ADGRG4: variants seen among roughly 807,000 people sequenced by gnomAD.
ADGRG4 encodes the protein adhesion G protein-coupled receptor G4, also known as G protein-coupled receptor 112.
ADGRG4 carries 122 observed loss-of-function variants against 126.2 expected under a neutral mutation model. The ratio of observed to expected loss-of-function variants is 0.97; its 90% confidence interval spans 0.83 to 1.12. The LOEUF (loss-of-function observed/expected upper bound fraction) is 1.12. ADGRG4 is among the 50% of genes most tolerant of loss of function. ADGRG4 has a pLI of 0.00. For missense variants in ADGRG4, 2,481 were observed against 2,251.8 expected (o/e 1.10, Z -2.06); for synonymous variants, 943 against 838.7 (o/e 1.12, Z -2.15).
At position 136,348,034 on chromosome X, in the gene ADGRG4, G is replaced by A. The variant is rs1277415472; in HGVS notation, c.4328G>A (p.Arg1443Lys). ...NTTFSHLHSL[R>K]TQPEVTSVAS... is the part of the protein sequence containing the mutation. Reference sequence around the variant, plus strand: ...ACTTTTTCACACTTGCATTCACTTAGGACACAACCTGAGGTGACTTCAGTT... The same window carrying A: ...ACTTTTTCACACTTGCATTCACTTAAGACACAACCTGAGGTGACTTCAGTT... The change falls in exon 6 of 26, where the codon AGG (arginine) becomes AAG (lysine). Residue 1443 changes from arginine (R) to lysine (K), a missense_variant. By Grantham distance (26) the Arg-to-Lys change is conservative (BLOSUM62 2). Coordinates refer to ENST00000394143, the MANE Select transcript of ADGRG4 (RefSeq NM_153834.4). The A allele has an allele frequency of 1.2e-5, 14 of 1,208,515 alleles. No individual in the cohort carries two copies. The highest frequency in any genetic ancestry group is 1.8e-5 in the South Asian group (1 of 56,748).
intron 18 of ADGRG4, among the ~76,000 whole-genome samples, chrX:136,394,512 A>G (rs2148493869): frequency 9.0e-6 from 1 of 111,643 alleles, no homozygotes; most frequent in Non-Finnish European, 1.9e-5. Flanking sequence ...CTTCTTTCTG[A>G]CAAACAAAAA....
chrX:136,416,331 A>C, intron 25 of ADGRG4, 123 bp from the exon 26 acceptor site: 42 of 461,020 alleles, frequency 9.1e-5, no homozygotes, highest in Non-Finnish European at 1.2e-4. Flanking sequence ...AAAGCACCAT[A>C]TCCTTCCCTT....
rs765303911 is a variant in ADGRG4, at chrX:136,349,837, C to T, written c.6131C>T (p.Thr2044Ile). The T allele has an allele frequency of 1.7e-6, 2 of 1,207,732 alleles. No individual in the cohort carries two copies. Among genetic ancestry groups the T allele is most frequent in the Admixed American group, 4.4e-5 (2 of 45,620 alleles). ...TVEVSKSTFL[T>I]SDMISAHPFT... ...GAGGTGTCAAAATCAACATTTCTGA[C>T]ATCTGACATGATATCAGCGCACCCA... The change falls in exon 6 of 26, where the codon ACA (threonine) becomes ATA (isoleucine). Residue 2044 changes from threonine to isoleucine, a missense_variant. By Grantham distance (89) the Thr-to-Ile change is moderately conservative (BLOSUM62 -1). Transcript: ENST00000394143.
At position 136,308,747 on chromosome X, in the gene ADGRG4, ATTTTTGACT is replaced by A. The variant is rs2074749698; in HGVS notation, c.-9-17_-9-9del. 2.3e-6 allele frequency: 2 copies of A among 888,478 alleles called. No individual in the cohort carries two copies. The highest frequency in any genetic ancestry group is 3.9e-5 in the African/African-American group (2 of 51,176). 73.2% of individuals were successfully genotyped at this position (888,478 alleles called of 1,213,427 possible). ...TTTTCTGAATATCTGAGCTGGGCAT[ATTTTTGACT>A]TTTTAAACACAGACTTAGACAATGA... On this transcript the variant is annotated splice_polypyrimidine_tract_variant and intron_variant, in intron 3 of 25. Transcript: ENST00000394143.
rs369224280 is a variant in ADGRG4 at position 136,350,094 on chromosome X, A to T, written c.6388A>T (p.Thr2130Ser). The change falls in exon 6 of 26, where the codon ACT becomes TCT. Residue 2130 changes from threonine to serine, a missense_variant. Coordinates refer to ENST00000394143, the MANE Select transcript of ADGRG4 (RefSeq NM_153834.4). ...TCATCCTTCATCCTTCAGCAGAAAG[A>T]CTATGTCACCTTCTACAACTGACCA... is the stretch of plus-strand genomic sequence containing the variant. ...VSHPSSFSRK[T>S]MSPSTTDHTL... 2 of 1,209,806 alleles carry T rather than the reference A, an allele frequency of 1.7e-6. No individual in the cohort carries two copies. Among genetic ancestry groups the T allele is most frequent in the East Asian group, 5.9e-5 (2 of 33,815 alleles).
intron 4 of ADGRG4, among the ~76,000 whole-genome samples, chrX:136,310,169 A>G: frequency 9.1e-6 from 1 of 110,193 alleles, no homozygotes; most frequent in Non-Finnish European, 1.9e-5. Flanking sequence ...TTATTTTGAG[A>G]CAGAGTCTCA....
chrX:136,358,274 C>T (rs934752147), intron 10 of ADGRG4, among the ~76,000 whole-genome samples: 5 of 110,510 alleles, frequency 4.5e-5, no homozygotes, highest in Admixed American at 1.9e-4. Flanking sequence ...GACTCCTCTT[C>T]GGACTGGAAA....
At chrX:136,317,553 G>A (rs1199110387) in intron 4 of ADGRG4, among the ~76,000 whole-genome samples, 1 of 98,691 alleles carries the variant, frequency 1.0e-5, no homozygotes, top group Non-Finnish European at 2.1e-5. Flanking sequence ...GACACCAAAA[G>A]CATGAGCAAT....
rs2075464515 is a variant in ADGRG4, at chrX:136,414,241, C to T, written c.9119C>T (p.Pro3040Leu). The T allele has an allele frequency of 8.3e-7, 1 of 1,202,050 alleles. No homozygotes were observed. ...ATCTTTGAGCACAAACTGTTGACGC[C>T]ATCTCTCAAGTCAACTGCAACTAGC... ...KKIFEHKLLT[P>L]SLKSTATSST... Residue 3040 changes from proline to leucine, a missense_variant, in exon 25 of 26, where the codon CCA becomes CTA. Coordinates refer to ENST00000394143, the MANE Select transcript of ADGRG4 (RefSeq NM_153834.4).
At chrX:136,385,859 G>A (rs1321837599) in intron 15 of ADGRG4, among the ~76,000 whole-genome samples, 1 of 111,561 alleles carries the variant, frequency 9.0e-6, no homozygotes, top group Non-Finnish European at 1.9e-5. Flanking sequence ...CTGTACATAT[G>A]TGGTCCAGAG....
At chrX:136,358,457 T>C (rs1002297133) in intron 10 of ADGRG4, among the ~76,000 whole-genome samples, 17 of 112,029 alleles carry the variant, frequency 1.5e-4, no homozygotes, top group African/African-American at 5.2e-4. Context: ...TTAGCAAATA[T>C]CTTCTTCAAA....
intron 5 of ADGRG4, among the ~76,000 whole-genome samples, chrX:136,340,311 AT>A (rs1233127522): frequency 9.0e-6 from 1 of 111,670 alleles, no homozygotes; most frequent in East Asian, 2.8e-4. Flanking sequence ...GGAATCTTTA[AT>A]TCCAATGGAT....
At position 136,400,132 on chromosome X, in the gene ADGRG4, A is replaced by AT. The variant is rs1197656595; in HGVS notation, c.8575+18dup. 6 of 1,108,509 alleles carry AT rather than the reference A, an allele frequency of 5.4e-6. No individual in the cohort carries two copies. Among genetic ancestry groups the AT allele is most frequent in the Non-Finnish European group, 7.4e-6 (6 of 807,786 alleles). The allele number at this position is 1,108,509 out of a possible 1,213,427, so 91.4% of individuals were successfully genotyped here. A position where few individuals can be genotyped will look rare whatever the true frequency, so the allele number is the denominator to read the frequency against. On this transcript the variant is annotated intron_variant, in intron 21 of 25. Transcript: ENST00000394143. ...GTTGGTTGGGGTAAGTATATCTGCC[A>AT]TTGTTTTTGATATTTATGTCTTAAG...
At chrX:136,371,619 A>C in intron 14 of ADGRG4, 75 bp downstream of exon 14, 1 of 558,837 alleles carries the variant, frequency 1.8e-6, no homozygotes, top group Non-Finnish European at 2.8e-6. Flanking sequence ...GTATCTGTGC[A>C]TTCTGCATTT....
At chrX:136,389,321 C>G (rs1461548738) in intron 16 of ADGRG4, among the ~76,000 whole-genome samples, 3 of 112,391 alleles carry the variant, frequency 2.7e-5, no homozygotes, top group Non-Finnish European at 5.6e-5. Context: ...TACAATTTCT[C>G]TTTGTCACTT....
At chrX:136,314,072 T>C (rs1415415803) in intron 4 of ADGRG4, among the ~76,000 whole-genome samples, 1 of 110,587 alleles carries the variant, frequency 9.0e-6, no homozygotes, top group Non-Finnish European at 1.9e-5. Flanking sequence ...AATCTGACCG[T>C]TTTCTTTTCT....
Position 136,323,249 on chromosome X carries a change from G to A in ADGRG4, c.542G>A (p.Ser181Asn), listed in dbSNP as rs955788508. 5 of 1,209,626 alleles carry A rather than the reference G, an allele frequency of 4.1e-6. No individual in the cohort carries two copies. Among genetic ancestry groups the A allele is most frequent in the Non-Finnish European group, 5.6e-6 (5 of 895,195 alleles). ...AGCATGATGCGTAGCTTTCCTGGCAGCTTGTACTACTTTCAACTCTGGGAC... is the reference window on the plus strand; with the variant it reads ...AGCATGATGCGTAGCTTTCCTGGCAACTTGTACTACTTTCAACTCTGGGAC... The part of the protein sequence containing the change: ...VKSMMRSFPG[S>N]LYYFQLWDHI... Residue 181 changes from serine (S) to asparagine (N), a missense_variant, in exon 5 of 26, where the codon AGC (serine) becomes AAC (asparagine). Transcript: ENST00000394143.
chrX:136,357,357 A>T (rs1265718591), intron 9 of ADGRG4, among the ~76,000 whole-genome samples: 1 of 111,775 alleles, frequency 8.9e-6, no homozygotes, highest in African/African-American at 3.3e-5. Flanking sequence ...TAAATGTTTG[A>T]TAGTGTTTAC....
chrX:136,301,763 G>A (rs1416817687), intron 1 of ADGRG4, among the ~76,000 whole-genome samples: 1 of 111,794 alleles, frequency 8.9e-6, no homozygotes, highest in Non-Finnish European at 1.9e-5. Flanking sequence ...TTTGTATAAG[G>A]TGTAAGGAAG....
Sources: gnomAD v4.1 joint callset for allele counts (sites outside exome capture counted in the v4.1 genomes callset) on GRCh38, gnomAD v4.1.1 for gene constraint, MANE v1.5 for transcripts, NCBI Gene and HGNC (gene_info 2026-07-23, HGNC 2026-07-21) for gene names.